UPF3B: variants seen among roughly 807,000 people sequenced by gnomAD.
UPF3B encodes the protein regulator of nonsense transcripts 3B.
UPF3B carries 7 observed loss-of-function variants against 40.3 expected under a neutral mutation model. The ratio of observed to expected loss-of-function variants is 0.17; its 90% CI spans 0.10 to 0.33. The LOEUF is 0.33. Among genes scored for constraint, UPF3B ranks in the 10% least tolerant of loss-of-function variants. UPF3B has a pLI of 1.00. For synonymous variants in UPF3B, 117 were observed against 117.3 expected (o/e 1.00, Z 0.01); for missense variants, 229 against 358.9 (o/e 0.64, Z 2.93).
intron 4 of UPF3B, among the ~76,000 whole-genome samples, chrX:119,819,123 G>A (rs939749047): frequency 9.8e-6 from 1 of 102,509 alleles, no homozygotes; most frequent in Non-Finnish European, 2.0e-5. Context: ...GTGCAATCTC[G>A]GCTCACTGCA....
intron 10 of UPF3B, among the ~76,000 whole-genome samples, chrX:119,836,764 C>T (rs1235142029): frequency 9.3e-6 from 1 of 107,605 alleles, no homozygotes; most frequent in Admixed American, 1.0e-4. Flanking sequence ...CATTTTCCTG[C>T]CTCAGCCTCC....
At chrX:119,831,544 C>A (rs756863177), downstream of UPF3B, 326 of 212,204 alleles carry the variant, frequency 1.5e-3, no homozygotes, top group Non-Finnish European at 2.1e-3. Flanking sequence ...GTCTCGAAGT[C>A]CTGACCTCAT....
intron 4 of UPF3B, 43 bp downstream of exon 4, chrX:119,845,155 A>C (rs1348503906): frequency 9.3e-6 from 10 of 1,071,558 alleles, no homozygotes; most frequent in Non-Finnish European, 1.0e-5. Flanking sequence ...TATTTTTAAA[A>C]ACCCCACAGC....
Position 119,845,202 on chromosome X carries a change from A to G in UPF3B, c.465T>C (p.Asp155=). The G allele has an allele frequency of 8.3e-7, 1 of 1,200,633 alleles. No homozygotes were observed. Among genetic ancestry groups the G allele is most frequent in the Non-Finnish European group, 1.1e-6 (1 of 885,592 alleles). ...ATAATTAGAGCTATACTGTACCATC[A>G]TCGATAGTCCCGACTTTGGTATCTC... The part of the protein sequence containing the change: ...KKRDTKVGTI[D]DDPEYRKFLE... The change falls in exon 4 of 11, where the codon GAT becomes GAC. Residue 155 remains aspartate (D), a synonymous_variant. Coordinates refer to ENST00000276201, the MANE Select transcript of UPF3B (RefSeq NM_080632.3).
downstream of UPF3B, among the ~76,000 whole-genome samples, chrX:119,831,321 T>A (rs1333820257): frequency 9.4e-6 from 1 of 106,142 alleles, no homozygotes; most frequent in Non-Finnish European, 1.9e-5. Context: ...TCCTCCTCCT[T>A]TTTTTGTTTT....
intron 3 of UPF3B, among the ~76,000 whole-genome samples, chrX:119,850,052 G>A (rs1364712820): frequency 2.0e-5 from 2 of 98,253 alleles, no homozygotes; most frequent in Non-Finnish European, 3.9e-5. Context: ...CACTTTGGGA[G>A]GCTGAGGTGG....
chrX:119,832,290 A>G (rs954606448), downstream of UPF3B, among the ~76,000 whole-genome samples: 1 of 110,783 alleles, frequency 9.0e-6, no homozygotes, highest in African/African-American at 3.3e-5. Flanking sequence ...ACGGAGTCTC[A>G]CTCTGTTGCC....
intron 4 of UPF3B, among the ~76,000 whole-genome samples, chrX:119,818,707 A>T: frequency 8.9e-6 from 1 of 112,550 alleles, no homozygotes; most frequent in Middle Eastern, 4.6e-3. Context: ...AGCTGCAGAC[A>T]AGAACAGAGA....
intron 3 of UPF3B, among the ~76,000 whole-genome samples, chrX:119,828,400 A>C (rs2056002803): frequency 9.0e-6 from 1 of 111,662 alleles, no homozygotes; most frequent in Admixed American, 9.5e-5. Context: ...GGCTGGGCAC[A>C]GTGGCTCATG....
At chrX:119,844,764 C>T (rs1188643686) in intron 4 of UPF3B, among the ~76,000 whole-genome samples, 1 of 110,849 alleles carries the variant, frequency 9.0e-6, no homozygotes, top group Non-Finnish European at 1.9e-5. Context: ...CCACCATACC[C>T]GGCTAATTTT....
At chrX:119,826,983 G>A (rs1569460006) in intron 3 of UPF3B, among the ~76,000 whole-genome samples, 1 of 112,007 alleles carries the variant, frequency 8.9e-6, no homozygotes, top group African/African-American at 3.2e-5. Context: ...CTTATTATGA[G>A]AGTGTCTTGA....
At chrX:119,827,833 G>A (rs2147771682) in intron 3 of UPF3B, among the ~76,000 whole-genome samples, 1 of 110,673 alleles carries the variant, frequency 9.0e-6, no homozygotes, top group Non-Finnish European at 1.9e-5. Context: ...CCGGGTTCAA[G>A]CAATTCTCCC....
At chrX:119,828,726 C>T in intron 3 of UPF3B, among the ~76,000 whole-genome samples, 1 of 107,978 alleles carries the variant, frequency 9.3e-6, no homozygotes, top group Non-Finnish European at 1.9e-5. Flanking sequence ...ATGATTCATT[C>T]TTTCTTTTTT....
At chrX:119,846,054 C>T (rs2056226364) in intron 3 of UPF3B, among the ~76,000 whole-genome samples, 1 of 110,347 alleles carries the variant, frequency 9.1e-6, no homozygotes, top group Non-Finnish European at 1.9e-5. Flanking sequence ...TCACGTTGGG[C>T]TGGGCACCGT....
intron 9 of UPF3B, 135 bp from the exon 10 acceptor site, chrX:119,838,186 G>A (rs1662539554): frequency 5.2e-6 from 5 of 968,997 alleles, no homozygotes; most frequent in East Asian, 6.2e-5. Context: ...AGTGTTTTAA[G>A]AAGGAACAAA....
intron 8 of UPF3B, among the ~76,000 whole-genome samples, chrX:119,840,419 G>T (rs2056147449): frequency 9.0e-6 from 1 of 111,549 alleles, no homozygotes; most frequent in African/African-American, 3.3e-5. Flanking sequence ...CTGGCTGTAG[G>T]TCAATGAAGC....
chrX:119,817,898 G>C (rs909368071), intron 4 of UPF3B, among the ~76,000 whole-genome samples: 6 of 111,778 alleles, frequency 5.4e-5, no homozygotes, highest in Non-Finnish European at 9.4e-5. Flanking sequence ...TTTACAAATG[G>C]ATAACTTGTA....
At chrX:119,814,656 CAT>C (rs1482379201) in intron 5 of UPF3B, among the ~76,000 whole-genome samples, 2 of 111,770 alleles carry the variant, frequency 1.8e-5, no homozygotes, top group African/African-American at 6.5e-5. Context: ...TCTCTCATGT[CAT>C]ATGTGATGAA....
In UPF3B at chrX:119,852,753, G is replaced by A; in HGVS notation, c.156+20C>T. 8.2e-7 allele frequency: 1 copy of A among 1,212,192 alleles called. No homozygotes were observed. The highest frequency in any genetic ancestry group is 1.1e-6 in the Non-Finnish European group (1 of 895,602). ...GCGGACTCGTCCCGCCCTCTCCCGG[G>A]CCAGCGGCCGACCGGGCACCTTGCT... On this transcript the variant is annotated intron_variant, in intron 1 of 10. Transcript: ENST00000276201.
Sources: allele counts gnomAD v4.1 joint callset (sites outside exome capture counted in the v4.1 genomes callset), GRCh38; gene constraint gnomAD v4.1.1; transcripts MANE v1.5; gene names NCBI Gene and HGNC (gene_info 2026-07-23, HGNC 2026-07-21).